OR8B3: variants seen among roughly 807,000 people sequenced by gnomAD.
OR8B3 encodes olfactory receptor 8B3.
For missense variants in OR8B3, 278 were observed against 377.6 expected, an observed-to-expected ratio of 0.74 and a Z score of 2.19; for synonymous variants, 102 against 135.4, an observed-to-expected ratio of 0.75 and a Z score of 1.71.
At chr11:124,407,475 T>G in the OR8B3 span, among the ~76,000 whole-genome samples, 1 of 152,180 alleles carries the variant, frequency 6.6e-6, no homozygotes, top group Non-Finnish European at 1.5e-5. Flanking sequence ...TTATTACAAT[T>G]AATAAACCAA....
upstream of OR8B3, among the ~76,000 whole-genome samples, chr11:124,402,835 C>CTTTTTTTTTTTTTTTTTTTTTTT (rs200472893): frequency 6.7e-6 from 1 of 148,168 alleles, no homozygotes; most frequent in Admixed American, 6.7e-5. Flanking sequence ...AATGATGCTT[C>CTTTTTTTTTTTTTTTTTTTTTTT]TTTTTTTTTT....
Position 124,396,695 on chromosome 11 carries a change from A to T in OR8B3, c.657T>A (p.Val219=), listed in dbSNP as rs759231569. ...VPSCTILISY[V]FIVTSILHIK... ...TATGAAGAATGCTAGTGACAATGAA[A>T]ACATAAGAAATGAGGATGGTACAAC... Residue 219 remains valine (V), a synonymous_variant, in exon 2 of 2, where the codon GTT becomes GTA. Coordinates refer to ENST00000641139, the MANE Select transcript of OR8B3 (RefSeq NM_001005467.2). 6.2e-7 allele frequency: 1 copy of T among 1,613,872 alleles called. No individual in the cohort carries two copies. Among genetic ancestry groups the T allele is most frequent in the Non-Finnish European group, 8.5e-7 (1 of 1,179,866 alleles).
upstream of OR8B3, among the ~76,000 whole-genome samples, chr11:124,400,468 C>T (rs1010827966): frequency 1.1e-4 from 17 of 152,050 alleles, no homozygotes; most frequent in Admixed American, 1.0e-3. Flanking sequence ...CACCCTTTGA[C>T]CAACATCTCA....
At chr11:124,399,851 T>G (rs968479538), upstream of OR8B3, among the ~76,000 whole-genome samples, 3 of 151,972 alleles carry the variant, frequency 2.0e-5, no homozygotes, top group African/African-American at 7.3e-5. Context: ...TACATATTTA[T>G]GTAACCACCA....
chr11:124,397,867 G>T (rs1355382123), intron 1 of OR8B3, among the ~76,000 whole-genome samples: 1 of 151,924 alleles, frequency 6.6e-6, no homozygotes, highest in East Asian at 1.9e-4. Context: ...GCTAATTTTT[G>T]TATTTTTAGT....
In OR8B3 at chr11:124,397,215, A is replaced by T. The variant is rs1860900417; in HGVS notation, c.137T>A (p.Ile46Asn). The T allele has an allele frequency of 6.2e-7, 1 of 1,610,228 alleles. No homozygotes were observed. The highest frequency in any genetic ancestry group is 8.5e-7 in the Non-Finnish European group (1 of 1,179,606). The change falls in exon 2 of 2, where the codon ATC (isoleucine) becomes AAC (asparagine). Residue 46 changes from isoleucine (I) to asparagine (N), a missense_variant. Transcript: ENST00000641139. ...GTGAGAATTTAGACCGAAAAGAATGATCAAGCCAAGGTTGCCTACCATGGT... is the reference window on the plus strand; with the variant it reads ...GTGAGAATTTAGACCGAAAAGAATGTTCAAGCCAAGGTTGCCTACCATGGT... ...IVTMVGNLGL[I>N]ILFGLNSHLH...
upstream of OR8B3, among the ~76,000 whole-genome samples, chr11:124,400,629 C>T (rs1354581511): frequency 3.9e-5 from 6 of 152,254 alleles, no homozygotes; most frequent in African/African-American, 1.4e-4. Context: ...GCCTTGGCCT[C>T]CTGGACTCGA....
At chr11:124,399,612 T>C (rs1457129277), upstream of OR8B3, among the ~76,000 whole-genome samples, 2 of 152,184 alleles carry the variant, frequency 1.3e-5, no homozygotes, top group African/African-American at 4.8e-5. Context: ...TTTTTACCTT[T>C]TTATTTTAAA....
the OR8B3 span, among the ~76,000 whole-genome samples, chr11:124,407,280 G>A: frequency 1.3e-5 from 2 of 152,110 alleles, no homozygotes; most frequent in East Asian, 3.8e-4. Flanking sequence ...TCATACCTGT[G>A]TTAGGTAACC....
upstream of OR8B3, among the ~76,000 whole-genome samples, chr11:124,403,886 A>G (rs1266644875): frequency 6.6e-6 from 1 of 152,210 alleles, no homozygotes; most frequent in Non-Finnish European, 1.5e-5. Flanking sequence ...CGAGGCTGGC[A>G]GATCACTCGT....
At chr11:124,408,923 A>T in the OR8B3 span, among the ~76,000 whole-genome samples, 1 of 152,198 alleles carries the variant, frequency 6.6e-6, no homozygotes, top group Non-Finnish European at 1.5e-5. Context: ...ACAACCTCTG[A>T]GCTGCTGCAC....
At chr11:124,400,839 T>G (rs1860983085), upstream of OR8B3, among the ~76,000 whole-genome samples, 1 of 152,108 alleles carries the variant, frequency 6.6e-6, no homozygotes, top group African/African-American at 2.4e-5. Context: ...CACCTGGGAT[T>G]ACAGATGTGA....
upstream of OR8B3, among the ~76,000 whole-genome samples, chr11:124,403,916 GC>G (rs1861041566): frequency 3.9e-5 from 6 of 152,224 alleles, no homozygotes; most frequent in African/African-American, 1.4e-4. Flanking sequence ...CTGGAGACCA[GC>G]CCGGCCAACA....
the OR8B3 span, among the ~76,000 whole-genome samples, chr11:124,405,767 C>G: frequency 5.9e-5 from 9 of 152,194 alleles, no homozygotes; most frequent in Non-Finnish European, 1.2e-4. Context: ...TGATTCAAAG[C>G]CCAGAGAATG....
chr11:124,401,080 A>G (rs1168832470), upstream of OR8B3, among the ~76,000 whole-genome samples: 1 of 152,124 alleles, frequency 6.6e-6, no homozygotes, highest in Non-Finnish European at 1.5e-5. Flanking sequence ...TTGACCTGCT[A>G]TAAGAGAATA....
the OR8B3 span, chr11:124,405,094 A>G: frequency 6.6e-6 from 1 of 152,200 alleles, no homozygotes; most frequent in African/African-American, 2.4e-5. Flanking sequence ...GTTATTTTCC[A>G]CTGCCATTCA....
At chr11:124,408,626 C>A in the OR8B3 span, among the ~76,000 whole-genome samples, 5 of 152,104 alleles carry the variant, frequency 3.3e-5, no homozygotes, top group Non-Finnish European at 7.4e-5. Context: ...GGCACAATCC[C>A]TGTGACCCCT....
upstream of OR8B3, among the ~76,000 whole-genome samples, chr11:124,401,431 C>G (rs750360740): frequency 6.6e-6 from 1 of 152,134 alleles, no homozygotes; most frequent in East Asian, 1.9e-4. Flanking sequence ...CAAAACACAG[C>G]AATCATCATC....
chr11:124,400,959 T>C (rs760235098), upstream of OR8B3, among the ~76,000 whole-genome samples: 6 of 152,184 alleles, frequency 3.9e-5, no homozygotes, highest in Non-Finnish European at 8.8e-5. Flanking sequence ...TTTTGGAACA[T>C]AAATTCTTTA....
Sources: allele counts gnomAD v4.1 joint callset (sites outside exome capture counted in the v4.1 genomes callset), GRCh38; gene constraint gnomAD v4.1.1; transcripts MANE v1.5; gene names NCBI Gene and HGNC (gene_info 2026-07-23, HGNC 2026-07-21).